TTLL9: variants seen among roughly 807,000 people sequenced by gnomAD.
TTLL9 encodes probable tubulin polyglutamylase TTLL9.
In TTLL9, 47 loss-of-function variants were observed where a neutral mutation model predicts 65.6. That is an observed-to-expected ratio of 0.72 (90% CI 0.57 to 0.91). TTLL9 has a LOEUF of 0.91. Ranked by LOEUF, TTLL9 falls within the 40% of genes least tolerant of loss-of-function variation. The pLI is 0.00. For synonymous variants in TTLL9, 179 were observed against 204.8 expected, an observed-to-expected ratio of 0.87 and a Z score of 1.07; for missense variants, 537 against 568.8, an observed-to-expected ratio of 0.94 and a Z score of 0.57.
At chr20:31,890,022 CTTTCTTTCT>C (rs1568752149) in intron 3 of TTLL9, among the ~76,000 whole-genome samples, 139 of 145,044 alleles carry the variant, frequency 9.6e-4, no homozygotes, top group African/African-American at 3.4e-3. Flanking sequence ...TTCTTTCTTT[CTTTCTTTCT>C]TTCCTTCCTT....
rs537084492 is a variant in TTLL9, at chr20:31,924,390, C to T, written c.665-619C>T. On this transcript the variant is annotated intron_variant, in intron 8 of 14. Transcript: ENST00000535842. ...CTGCCCTTGGCCCAAGCTCTTTCCC[C>T]CTCCAGACTGTTCTCGCAGTTCCTT... is the stretch of plus-strand genomic sequence containing the variant. 1.1e-4 allele frequency among the ~76,000 whole-genome samples: 17 copies of T among 152,242 alleles called. No individual in the cohort carries two copies. The Middle Eastern group carries it at 0.01, about 91-fold the overall frequency.
At chr20:31,895,258 G>A (rs762019368) in intron 3 of TTLL9, among the ~76,000 whole-genome samples, 1 of 152,194 alleles carries the variant, frequency 6.6e-6, no homozygotes, top group South Asian at 2.1e-4. Flanking sequence ...GAGAGCTGGC[G>A]AGTTCAGTAG....
chr20:31,938,525 C>T (rs1036305960), intron 13 of TTLL9, among the ~76,000 whole-genome samples: 17 of 152,202 alleles, frequency 1.1e-4, no homozygotes, highest in African/African-American at 4.1e-4. Flanking sequence ...CACAACAGAA[C>T]TAGTCCCTGC....
At chr20:31,903,426 A>T (rs1049671513) in intron 4 of TTLL9, among the ~76,000 whole-genome samples, 1 of 152,150 alleles carries the variant, frequency 6.6e-6, no homozygotes, top group African/African-American at 2.4e-5. Flanking sequence ...TTTGTGAGTT[A>T]TCTTTCCTCT....
intron 3 of TTLL9, among the ~76,000 whole-genome samples, chr20:31,890,861 C>T (rs148175288): frequency 4.6e-5 from 7 of 152,270 alleles, no homozygotes; most frequent in African/African-American, 9.6e-5. Context: ...GAGCAGACTC[C>T]GGGGGCCAGG....
intron 3 of TTLL9, among the ~76,000 whole-genome samples, chr20:31,897,159 G>A (rs963971357): frequency 6.6e-6 from 1 of 152,186 alleles, no homozygotes; most frequent in South Asian, 2.1e-4. Context: ...TGAGCCTGGA[G>A]ATTTCTTTTT....
intron 3 of TTLL9, among the ~76,000 whole-genome samples, chr20:31,888,501 C>T (rs1029640452): frequency 1.3e-5 from 2 of 152,052 alleles, no homozygotes; most frequent in African/African-American, 2.4e-5. Context: ...GACAGAGTTT[C>T]GCTCTTGTTG....
Position 31,939,192 on chromosome 20 carries a change from A to G in TTLL9, c.1169A>G (p.Asp390Gly). The change falls in exon 14 of 15, where the codon GAT becomes GGT. Residue 390 changes from aspartate to glycine, a missense_variant. Physicochemically the swap from Asp to Gly is moderately conservative, Grantham distance 94. This residue lies in a region of TTLL9 where 205 missense variants were observed against 225.9 expected (regional missense o/e 0.91). Transcript: ENST00000535842. ...GGGGGCTTTGACCTCATGTGGAATGATGGCCCTGTTAGCAGAGAGGAGGGG... is the reference window on the plus strand; with the variant it reads ...GGGGGCTTTGACCTCATGTGGAATGGTGGCCCTGTTAGCAGAGAGGAGGGG... The part of the protein sequence containing the change: ...RVGGFDLMWN[D>G]GPVSREEGAP... The G allele has an allele frequency of 1.2e-6, 2 of 1,611,986 alleles. No individual in the cohort carries two copies. Among genetic ancestry groups the G allele is most frequent in the Non-Finnish European group, 1.7e-6 (2 of 1,179,138 alleles).
intron 3 of TTLL9, among the ~76,000 whole-genome samples, chr20:31,897,385 C>G (rs2063403295): frequency 6.6e-6 from 1 of 152,156 alleles, no homozygotes; most frequent in Non-Finnish European, 1.5e-5. Flanking sequence ...CTGTTTCAGT[C>G]CTCATATTGG....
intron 2 of TTLL9, among the ~76,000 whole-genome samples, chr20:31,886,333 G>A (rs559232662): frequency 1.6e-4 from 24 of 152,304 alleles, no homozygotes; most frequent in Non-Finnish European, 2.1e-4. Flanking sequence ...CTCTTCATAC[G>A]TGCCTTAGGA....
intron 3 of TTLL9, among the ~76,000 whole-genome samples, chr20:31,895,200 G>A (rs1413544933): frequency 1.3e-5 from 2 of 152,222 alleles, no homozygotes; most frequent in African/African-American, 4.8e-5. Context: ...GGAGATTTAC[G>A]TAAGTTGTTT....
Position 31,926,621 on chromosome 20 carries a change from G to C in TTLL9, c.748+530G>C, listed in dbSNP as rs539679004. Among the ~76,000 whole-genome samples the C allele has an allele frequency of 2.0e-5, 3 of 152,280 alleles. No homozygotes were observed. In the South Asian group the frequency reaches 6.2e-4, roughly 32 times the overall value. ...GGTCATTCACTGCACAGCCTTGTTT[G>C]TGAGAGAAAAAAATAGGGAACATTG... is the stretch of plus-strand genomic sequence containing the variant. On this transcript the variant is annotated intron_variant, in intron 10 of 14. Transcript: ENST00000535842.
intron 10 of TTLL9, among the ~76,000 whole-genome samples, chr20:31,927,502 AAAG>A (rs1450283922): frequency 6.6e-5 from 10 of 151,646 alleles, no homozygotes; most frequent in African/African-American, 2.4e-4. Context: ...AAAAAAAAAA[AAAG>A]AAACTGGAAA....
At position 31,898,583 on chromosome 20, in the gene TTLL9, G is replaced by A; in HGVS notation, c.206+18G>A. The A allele has an allele frequency of 6.2e-7, 1 of 1,608,344 alleles. No homozygotes were observed. The highest frequency in any genetic ancestry group is 1.1e-5 in the South Asian group (1 of 90,868). On this transcript the variant is annotated intron_variant, in intron 4 of 14. Transcript: ENST00000535842. ...GTGAAGGAGTAAGACCCTCCCCCCA[G>A]CCTTGTCCCTCCTTCCCTTTGTCTC... is the stretch of plus-strand genomic sequence containing the variant.
chr20:31,939,038 G>C (rs1467792913), intron 13 of TTLL9, 104 bp from the exon 14 acceptor site: 6 of 1,335,464 alleles, frequency 4.5e-6, no homozygotes, highest in Non-Finnish European at 3.0e-6. Flanking sequence ...ACTTCTGAGG[G>C]ACGGACATCA....
At position 31,937,488 on chromosome 20, in the gene TTLL9, A is replaced by G; in HGVS notation, c.1097A>G (p.His366Arg). 1 of 1,613,646 alleles carries G rather than the reference A, an allele frequency of 6.2e-7. No homozygotes were observed. The highest frequency in any genetic ancestry group is 8.5e-7 in the Non-Finnish European group (1 of 1,179,730). The change falls in exon 13 of 15, where the codon CAT (histidine) becomes CGT (arginine). Residue 366 changes from histidine (H) to arginine (R), a missense_variant. By Grantham distance (29) the His-to-Arg change is conservative (BLOSUM62 0). Transcript: ENST00000535842. The stretch of plus-strand genomic sequence containing the variant: ...ACCTGCCTCCTGGAAGACACCCTGC[A>G]TGTTGTGGACATGGAAGCGAGGTGA... ...LKTCLLEDTL[H>R]VVDMEARLTG...
intron 2 of TTLL9, among the ~76,000 whole-genome samples, chr20:31,873,335 C>G (rs1045133513): frequency 6.6e-6 from 1 of 152,092 alleles, no homozygotes; most frequent in African/African-American, 2.4e-5. Flanking sequence ...TCCCCAAATG[C>G]CCGACCCATG....
intron 4 of TTLL9, 90 bp downstream of exon 4, chr20:31,898,655 C>A: frequency 8.7e-7 from 1 of 1,146,620 alleles, no homozygotes; most frequent in Non-Finnish European, 1.3e-6. Flanking sequence ...CCCTGGGTGG[C>A]CACTGGGACT....
chr20:31,928,595 CTG>C (rs145580628), intron 10 of TTLL9, among the ~76,000 whole-genome samples: 5,277 of 151,856 alleles, frequency 0.035, 122 homozygotes, highest in Non-Finnish European at 0.046. Context: ...CATTGAAACA[CTG>C]TATATAATAG....
Sources: gnomAD v4.1 joint callset for allele counts (sites outside exome capture counted in the v4.1 genomes callset) on GRCh38, gnomAD v4.1.1 for gene constraint, gnomAD v4.1.1 regional missense constraint, MANE v1.5 for transcripts, NCBI Gene and HGNC (gene_info 2026-07-23, HGNC 2026-07-21) for gene names.